Variants in ASIC2 observed in about 807,000 individuals in gnomAD.
ASIC2 encodes acid sensing ion channel subunit 2.
In ASIC2, 25 loss-of-function variants were observed where a neutral mutation model predicts 57.3. The observed-to-expected ratio is 0.44, with a 90% confidence interval of 0.32 to 0.61. The LOEUF is 0.61. Among genes scored for constraint, ASIC2 ranks in the 20% least tolerant of loss-of-function variants. The pLI, the probability that ASIC2 is intolerant of heterozygous loss-of-function variation, is 0.06. For missense variants in ASIC2, 641 were observed against 738.1 expected (o/e 0.87, Z 1.52); for synonymous variants, 319 against 307.5 (o/e 1.04, Z -0.39).
chr17:33,999,937 T>A (rs1211352138), intron 1 of ASIC2, among the ~76,000 whole-genome samples: 1 of 152,148 alleles, frequency 6.6e-6, no homozygotes, highest in Non-Finnish European at 1.5e-5. Flanking sequence ...TGTAAAGTGC[T>A]CTAGTGGTGA....
chr17:33,055,755 A>T (rs2091995451), intron 3 of ASIC2, among the ~76,000 whole-genome samples: 1 of 151,978 alleles, frequency 6.6e-6, no homozygotes, highest in Admixed American at 6.6e-5. Context: ...GCACTGTTTG[A>T]GCCTTTCTGC....
intron 1 of ASIC2, among the ~76,000 whole-genome samples, chr17:33,859,244 A>T (rs1347432647): frequency 6.6e-6 from 1 of 152,200 alleles, no homozygotes. Flanking sequence ...GTTCAAAAAG[A>T]TATGAAGGGA....
intron 1 of ASIC2, among the ~76,000 whole-genome samples, chr17:33,621,899 G>C (rs1443929269): frequency 6.6e-6 from 1 of 152,042 alleles, no homozygotes; most frequent in Non-Finnish European, 1.5e-5. Context: ...AATCTGTTAA[G>C]TTGGGATGAT....
chr17:33,514,944 C>T (rs1292200304), intron 1 of ASIC2, among the ~76,000 whole-genome samples: 1 of 152,202 alleles, frequency 6.6e-6, no homozygotes, highest in Non-Finnish European at 1.5e-5. Context: ...CCCAGATGTT[C>T]TTTCTCACCT....
chr17:33,745,458 G>C (rs1384738853), intron 1 of ASIC2, among the ~76,000 whole-genome samples: 1 of 149,936 alleles, frequency 6.7e-6, no homozygotes, highest in Non-Finnish European at 1.5e-5. Context: ...ACTCCAAGTA[G>C]GATAAATGCA....
intron 1 of ASIC2, among the ~76,000 whole-genome samples, chr17:33,786,001 C>T (rs1216456871): frequency 6.6e-6 from 1 of 152,180 alleles, no homozygotes; most frequent in Non-Finnish European, 1.5e-5. Context: ...GTTCCATTCT[C>T]CCAGTGTGGA....
At chr17:33,577,729 C>T (rs7224913) in intron 1 of ASIC2, among the ~76,000 whole-genome samples, 80,649 of 151,912 alleles carry the variant, frequency 0.53, 22,753 homozygotes, top group African/African-American at 0.74. Flanking sequence ...AGAGATGTCC[C>T]AGATATGACT....
At chr17:34,093,954 G>A (rs530782497) in intron 1 of ASIC2, among the ~76,000 whole-genome samples, 2 of 152,272 alleles carry the variant, frequency 1.3e-5, no homozygotes, top group Admixed American at 6.5e-5. Context: ...GTAGAAGGCA[G>A]CAGTCCCCTT....
intron 1 of ASIC2, among the ~76,000 whole-genome samples, chr17:34,012,216 AACC>A (rs1177122795): frequency 1.3e-5 from 2 of 152,142 alleles, no homozygotes; most frequent in African/African-American, 4.8e-5. Flanking sequence ...CAGGCCCCCG[AACC>A]ACCATGACCC....
chr17:34,092,152 T>C (rs570298393), intron 1 of ASIC2, among the ~76,000 whole-genome samples: 44 of 152,264 alleles, frequency 2.9e-4, no homozygotes, highest in African/African-American at 9.6e-4. Context: ...AATGAGGTCA[T>C]GTGCAGTGAG....
At chr17:33,380,369 CATTG>C (rs1909445043) in intron 1 of ASIC2, among the ~76,000 whole-genome samples, 1 of 151,132 alleles carries the variant, frequency 6.6e-6, no homozygotes, top group Admixed American at 6.6e-5. Flanking sequence ...GATGCGTAAA[CATTG>C]ATTAAGTGCC....
intron 1 of ASIC2, among the ~76,000 whole-genome samples, chr17:33,739,389 T>C (rs1910025652): frequency 1.3e-5 from 2 of 152,244 alleles, no homozygotes; most frequent in South Asian, 2.1e-4. Flanking sequence ...GTCACTGTTA[T>C]GTGTGACCTT....
At chr17:33,685,022 CT>C (rs931319406) in intron 1 of ASIC2, among the ~76,000 whole-genome samples, 1 of 152,148 alleles carries the variant, frequency 6.6e-6, no homozygotes, top group African/African-American at 2.4e-5. Flanking sequence ...CCCCTCCAGC[CT>C]TTATCCCAGC....
At chr17:33,901,584 T>G (rs1915232755) in intron 1 of ASIC2, among the ~76,000 whole-genome samples, 1 of 152,176 alleles carries the variant, frequency 6.6e-6, no homozygotes, top group South Asian at 2.1e-4. Flanking sequence ...CAAAGCCACA[T>G]TTCAGCTGGG....
intron 1 of ASIC2, among the ~76,000 whole-genome samples, chr17:33,560,708 A>C (rs1916046754): frequency 6.6e-6 from 1 of 152,216 alleles, no homozygotes. Context: ...AGGAGACAGA[A>C]ATTCACATTT....
chr17:33,909,390 C>G (rs933195717), intron 1 of ASIC2, among the ~76,000 whole-genome samples: 1 of 152,184 alleles, frequency 6.6e-6, no homozygotes. Flanking sequence ...TTTTGGCTTC[C>G]TGGGGTGAGT....
intron 1 of ASIC2, chr17:33,936,664 C>A (rs1366353553): frequency 6.6e-6 from 1 of 152,198 alleles, no homozygotes; most frequent in Non-Finnish European, 1.5e-5. Flanking sequence ...CCCCGCAGAA[C>A]CACCTCAAGG....
intron 1 of ASIC2, among the ~76,000 whole-genome samples, chr17:33,806,068 G>T (rs555093992): frequency 6.6e-6 from 1 of 151,380 alleles, no homozygotes; most frequent in Non-Finnish European, 1.5e-5. Flanking sequence ...GGGGCCACCC[G>T]CAGGGGCTCC....
At chr17:33,104,211 C>A (rs1398671176) in intron 2 of ASIC2, among the ~76,000 whole-genome samples, 1 of 152,108 alleles carries the variant, frequency 6.6e-6, no homozygotes, top group Non-Finnish European at 1.5e-5. Context: ...ATAAAAAAAA[C>A]CCTTCGATTG....
Sources: gnomAD v4.1 joint callset for allele counts (sites outside exome capture counted in the v4.1 genomes callset) on GRCh38, gnomAD v4.1.1 for gene constraint, MANE v1.5 for transcripts, NCBI Gene and HGNC (gene_info 2026-07-23, HGNC 2026-07-21) for gene names.